Variants in CELF4 observed in about 807,000 individuals in gnomAD.
CELF4 encodes the protein CUGBP Elav-like family member 4, also known as CUG-BP- and ETR-3-like factor 4.
Under a neutral mutation model 59.9 loss-of-function variants are expected in CELF4, and 18 were observed. The ratio of observed to expected loss-of-function variants is 0.30; its 90% CI spans 0.21 to 0.45. The LOEUF (loss-of-function observed/expected upper bound fraction) is 0.45, where lower values mean the gene tolerates loss of function less well. Ranked by LOEUF, CELF4 falls within the 20% of genes least tolerant of loss-of-function variation. The pLI is 1.00. For missense variants in CELF4, 456 were observed against 689.0 expected, an observed-to-expected ratio of 0.66 and a Z score of 3.79; for synonymous variants, 261 against 267.1, an observed-to-expected ratio of 0.98 and a Z score of 0.22.
At chr18:37,364,411 C>A (rs2098749538) in intron 2 of CELF4, among the ~76,000 whole-genome samples, 1 of 152,202 alleles carries the variant, frequency 6.6e-6, no homozygotes, top group Non-Finnish European at 1.5e-5. Flanking sequence ...AGAACACATG[C>A]TGGAATGTCA....
intron 2 of CELF4, among the ~76,000 whole-genome samples, chr18:37,349,893 G>A (rs1404297506): frequency 6.6e-6 from 1 of 152,176 alleles, no homozygotes; most frequent in African/African-American, 2.4e-5. Flanking sequence ...GCACTGAAAA[G>A]GGGAGCCGGC....
intron 2 of CELF4, among the ~76,000 whole-genome samples, chr18:37,447,883 G>A (rs1401543728): frequency 6.6e-6 from 1 of 152,144 alleles, no homozygotes; most frequent in Admixed American, 6.5e-5. Flanking sequence ...CTAACAGCCA[G>A]ATGGCCAGCA....
intron 2 of CELF4, among the ~76,000 whole-genome samples, chr18:37,368,243 C>G (rs1416395150): frequency 6.6e-6 from 1 of 152,184 alleles, no homozygotes; most frequent in Non-Finnish European, 1.5e-5. Flanking sequence ...TTGGTTTCCT[C>G]TGAGCACAAT....
At chr18:37,370,570 C>A (rs563827739) in intron 2 of CELF4, among the ~76,000 whole-genome samples, 1 of 152,194 alleles carries the variant, frequency 6.6e-6, no homozygotes. Flanking sequence ...TCTAACCCCA[C>A]GAGAGTGGCC....
intron 3 of CELF4, among the ~76,000 whole-genome samples, chr18:37,304,019 C>T (rs1052074887): frequency 1.3e-5 from 2 of 152,210 alleles, no homozygotes; most frequent in Non-Finnish European, 2.9e-5. Flanking sequence ...GACCCAGGGC[C>T]AATGTTGCAA....
chr18:37,312,144 A>AG (rs1491123820), intron 3 of CELF4, among the ~76,000 whole-genome samples: 1 of 144,448 alleles, frequency 6.9e-6, no homozygotes, highest in Non-Finnish European at 1.5e-5. Flanking sequence ...AAAAAAAAAA[A>AG]GAAGGAACAG....
intron 2 of CELF4, among the ~76,000 whole-genome samples, chr18:37,394,952 AC>A (rs1442133217): frequency 8.2e-5 from 1 of 12,134 alleles, no homozygotes; most frequent in East Asian, 4.5e-3. Flanking sequence ...CCCGCCCCCC[AC>A]CCCCCACCCG....
intron 2 of CELF4, chr18:37,473,708 G>C (rs9946836): frequency 2.6e-5 from 4 of 152,454 alleles, no homozygotes; most frequent in South Asian, 2.1e-4. Context: ...GCACGTGTGT[G>C]GGGGGTGGCT....
At chr18:37,298,349 C>T (rs1470573616) in intron 3 of CELF4, among the ~76,000 whole-genome samples, 1 of 152,242 alleles carries the variant, frequency 6.6e-6, no homozygotes, top group African/African-American at 2.4e-5. Flanking sequence ...TCTGTGTCCA[C>T]ACAGCAGTCA....
chr18:37,285,327 C>T (rs1237837809), intron 3 of CELF4, among the ~76,000 whole-genome samples: 5 of 152,198 alleles, frequency 3.3e-5, no homozygotes, highest in Admixed American at 2.0e-4. Flanking sequence ...TGTCCTCTCT[C>T]GTCGTCACGC....
At chr18:37,500,255 G>T (rs769819727) in intron 1 of CELF4, among the ~76,000 whole-genome samples, 6 of 152,158 alleles carry the variant, frequency 3.9e-5, no homozygotes, top group Non-Finnish European at 8.8e-5. Flanking sequence ...GAGAGAGGGA[G>T]GCACAGGTGC....
chr18:37,522,920 C>T (rs1288240452), intron 1 of CELF4, among the ~76,000 whole-genome samples: 2 of 152,228 alleles, frequency 1.3e-5, no homozygotes, highest in Non-Finnish European at 2.9e-5. Flanking sequence ...AGTCCCCTGA[C>T]TCGGAGTGCT....
chr18:37,305,284 G>C (rs371798037), intron 3 of CELF4: 2 of 152,056 alleles, frequency 1.3e-5, no homozygotes, highest in African/African-American at 4.8e-5. Context: ...CAGCATTCGC[G>C]GGGGCTTGGG....
intron 3 of CELF4, among the ~76,000 whole-genome samples, chr18:37,314,058 C>G (rs2096773487): frequency 6.6e-6 from 1 of 152,242 alleles, no homozygotes; most frequent in African/African-American, 2.4e-5. Context: ...GACCCCAACC[C>G]TCTCATGCCT....
intron 3 of CELF4, among the ~76,000 whole-genome samples, chr18:37,302,778 T>C (rs4622585): frequency 0.54 from 82,201 of 152,052 alleles, 22,756 homozygotes; most frequent in African/African-American, 0.66. Context: ...CAGGGTGAGC[T>C]TTCAGGAGGC....
intron 2 of CELF4, among the ~76,000 whole-genome samples, chr18:37,353,233 A>ATATATATAT (rs1557327922): frequency 1.0e-3 from 110 of 106,966 alleles, no homozygotes; most frequent in African/African-American, 3.6e-3. Flanking sequence ...AAAAAAAAAA[A>ATATATATAT]ATATATATAT....
intron 2 of CELF4, among the ~76,000 whole-genome samples, chr18:37,353,233 A>AAAATATATATATATATATATAT (rs71168258): frequency 7.9e-4 from 85 of 106,926 alleles, no homozygotes; most frequent in Admixed American, 2.5e-3. Context: ...AAAAAAAAAA[A>AAAATATATATATATATATATAT]ATATATATAT....
intron 6 of CELF4, chr18:37,273,401 A>G: frequency 7.9e-7 from 1 of 1,261,756 alleles, no homozygotes; most frequent in Non-Finnish European, 1.0e-6. Context: ...TGGAACTCCA[A>G]AGTTGTTGCT....
intron 2 of CELF4, among the ~76,000 whole-genome samples, chr18:37,472,698 T>A (rs963393268): frequency 2.6e-5 from 4 of 152,134 alleles, no homozygotes; most frequent in Non-Finnish European, 2.9e-5. Flanking sequence ...GAGGCTAGGT[T>A]GTTAAATTTA....
Sources: gnomAD v4.1 joint callset for allele counts (sites outside exome capture counted in the v4.1 genomes callset) on GRCh38, gnomAD v4.1.1 for gene constraint, MANE v1.5 for transcripts, NCBI Gene and HGNC (gene_info 2026-07-23, HGNC 2026-07-21) for gene names.